Variants in KIRREL3 observed in about 807,000 individuals in gnomAD.
KIRREL3 encodes kirre like nephrin family adhesion molecule 3, also known as kin of IRRE-like protein 3.
KIRREL3 carries 36 observed loss-of-function variants against 89.7 expected under a neutral mutation model. That is an observed-to-expected ratio of 0.40 (90% CI 0.31 to 0.53). The LOEUF (loss-of-function observed/expected upper bound fraction) is 0.53. Among genes scored for constraint, KIRREL3 ranks in the 20% least tolerant of loss-of-function variants. The pLI, the probability that KIRREL3 is intolerant of heterozygous loss-of-function variation, is 0.49. For missense variants in KIRREL3, 864 were observed against 1,056.6 expected, an observed-to-expected ratio of 0.82 and a Z score of 2.53; for synonymous variants, 445 against 441.4, an observed-to-expected ratio of 1.01 and a Z score of -0.10.
At chr11:126,529,631 G>A (rs1421243277) in intron 2 of KIRREL3, among the ~76,000 whole-genome samples, 2 of 79,716 alleles carry the variant, frequency 2.5e-5, no homozygotes, top group African/African-American at 1.1e-4. Flanking sequence ...CCTTCCTAGA[G>A]CCTCTCGCAT....
Position 126,905,865 on chromosome 11 carries a change from G to T in KIRREL3, c.55+94590C>A, listed in dbSNP as rs532675766. 6.6e-6 allele frequency among the ~76,000 whole-genome samples: 1 copy of T among 152,138 alleles called. No individual in the cohort carries two copies. Among genetic ancestry groups the T allele is most frequent in the East Asian group, 1.9e-4 (1 of 5,188 alleles). On this transcript the variant is annotated intron_variant, in intron 1 of 16. Transcript: ENST00000525144. The surrounding 1 kb of genome is among the most constrained non-coding windows in gnomAD (Gnocchi z 5.0). ...AAGCACTTCAGGGGTTCCTTTGTCC[G>T]CACCCAGCCATGCAAAATTCCTGGT...
chr11:126,922,129 A>G (rs188877489), intron 1 of KIRREL3, among the ~76,000 whole-genome samples: 4,494 of 96,026 alleles, frequency 0.047, 93 homozygotes, highest in East Asian at 0.1. Context: ...CTGTCTATCT[A>G]TCTATCTATC....
At position 126,686,380 on chromosome 11, in the gene KIRREL3, G is replaced by A. The variant is rs1430681812; in HGVS notation, c.56-123468C>T. Among the ~76,000 whole-genome samples, 1 of 152,076 alleles carries A rather than the reference G, an allele frequency of 6.6e-6. No homozygotes were observed. The highest frequency in any genetic ancestry group is 2.4e-5 in the African/African-American group (1 of 41,400). On this transcript the variant is annotated intron_variant, in intron 1 of 16. Coordinates refer to ENST00000525144, the MANE Select transcript of KIRREL3 (RefSeq NM_032531.4). The surrounding 1 kb of genome is among the most constrained non-coding windows in gnomAD (Gnocchi z 4.7). ...TGGACCATTCTAGGAACTGTGCTTG[G>A]TGATGAGCTGCAGAGACAGAAGACA...
intron 1 of KIRREL3, among the ~76,000 whole-genome samples, chr11:126,957,514 C>G (rs866161784): frequency 3.3e-5 from 5 of 152,188 alleles, no homozygotes; most frequent in African/African-American, 1.2e-4. Flanking sequence ...TCCATCCTAC[C>G]TGATATTCAG....
chr11:126,971,943 T>C (rs1949434281), intron 1 of KIRREL3, among the ~76,000 whole-genome samples: 1 of 152,106 alleles, frequency 6.6e-6, no homozygotes, highest in African/African-American at 2.4e-5. Context: ...GATAGACAGA[T>C]TAGTGTTTGT....
intron 1 of KIRREL3, among the ~76,000 whole-genome samples, chr11:126,591,786 C>T (rs986458613): frequency 6.6e-6 from 1 of 152,196 alleles, no homozygotes; most frequent in African/African-American, 2.4e-5. Context: ...TGTTGTCATA[C>T]GTATGACCAT....
At chr11:126,956,761 C>T (rs1006365613) in intron 1 of KIRREL3, among the ~76,000 whole-genome samples, 5 of 152,166 alleles carry the variant, frequency 3.3e-5, no homozygotes, top group Admixed American at 6.5e-5. Context: ...TGGAAATATC[C>T]GAGTGCTTCA....
intron 2 of KIRREL3, among the ~76,000 whole-genome samples, chr11:126,554,942 A>G (rs1176182155): frequency 6.6e-6 from 1 of 152,166 alleles, no homozygotes; most frequent in African/African-American, 2.4e-5. Context: ...CTATGGATAG[A>G]CGAGGCTAAC....
At position 126,976,709 on chromosome 11, in the gene KIRREL3, T is replaced by C. The variant is rs1455956724; in HGVS notation, c.55+23746A>G. Among the ~76,000 whole-genome samples the C allele has an allele frequency of 2.0e-5, 3 of 152,232 alleles. No homozygotes were observed. The highest frequency in any genetic ancestry group is 2.9e-5 in the Non-Finnish European group (2 of 68,050). The stretch of plus-strand genomic sequence containing the variant: ...GAATTTTTCTATGTGTCAGATAATA[T>C]GCTGTACTTGCAGCGTATCATTTAA... On this transcript the variant is annotated intron_variant, in intron 1 of 16. Transcript: ENST00000525144. This position sits in a 1 kb window ranked among gnomAD's most constrained non-coding sequence, Gnocchi z 4.2.
Position 126,568,824 on chromosome 11 carries a change from AC to A in KIRREL3, c.56-5913del, listed in dbSNP as rs1430323103. 6.6e-6 allele frequency among the ~76,000 whole-genome samples: 1 copy of A among 151,780 alleles called. No individual in the cohort carries two copies. Among genetic ancestry groups the A allele is most frequent in the African/African-American group, 2.4e-5 (1 of 41,294 alleles). On this transcript the variant is annotated intron_variant, in intron 1 of 16. Transcript: ENST00000525144. This position sits in a 1 kb window ranked among gnomAD's most constrained non-coding sequence, Gnocchi z 4.6. Reference sequence around the variant, plus strand: ...AAATAGAAACAAAATACCAAATTCTACCCCCCTCGTTTTTTTCTTTTTCAGA... The same window carrying A: ...AAATAGAAACAAAATACCAAATTCTACCCCCTCGTTTTTTTCTTTTTCAGA...
chr11:126,777,675 T>C (rs992820341), intron 1 of KIRREL3, among the ~76,000 whole-genome samples: 3 of 152,242 alleles, frequency 2.0e-5, no homozygotes, highest in Non-Finnish European at 4.4e-5. Flanking sequence ...TCAGACCCCT[T>C]TGTGAACACA....
rs1948237920 is a variant in KIRREL3, at chr11:126,723,012, T to C, written c.56-160100A>G. Among the ~76,000 whole-genome samples, 1 of 152,224 alleles carries C rather than the reference T, an allele frequency of 6.6e-6. No homozygotes were observed. Among genetic ancestry groups the C allele is most frequent in the African/African-American group, 2.4e-5 (1 of 41,464 alleles). ...CTATCCTTTGTCTCCCACGGTGGAA[T>C]TGGCCTTTCTTCATCTATTCCTCTT... is the stretch of plus-strand genomic sequence containing the variant. On this transcript the variant is annotated intron_variant, in intron 1 of 16. Coordinates refer to ENST00000525144, the MANE Select transcript of KIRREL3 (RefSeq NM_032531.4). This position sits in a 1 kb window ranked among gnomAD's most constrained non-coding sequence, Gnocchi z 4.0.
In KIRREL3 at chr11:126,904,827, G is replaced by A. The variant is rs1946510737; in HGVS notation, c.55+95628C>T. Among the ~76,000 whole-genome samples, 1 of 152,160 alleles carries A rather than the reference G, an allele frequency of 6.6e-6. No homozygotes were observed. Among genetic ancestry groups the A allele is most frequent in the African/African-American group, 2.4e-5 (1 of 41,422 alleles). On this transcript the variant is annotated intron_variant, in intron 1 of 16. Transcript: ENST00000525144. The surrounding 1 kb of genome is among the most constrained non-coding windows in gnomAD (Gnocchi z 4.4). The stretch of plus-strand genomic sequence containing the variant: ...CTGTAAGCATCAATGCTATTCCTCA[G>A]AGACATTAAGATCCCAGAGAAGAGA...
intron 1 of KIRREL3, among the ~76,000 whole-genome samples, chr11:126,911,982 CAAAAA>C (rs34548052): frequency 6.5e-5 from 6 of 91,732 alleles, no homozygotes; most frequent in African/African-American, 9.4e-5. Flanking sequence ...GACTCTGTCT[CAAAAA>C]AAAAAAAAAA....
chr11:126,456,088 G>A (rs1276885936), intron 7 of KIRREL3, among the ~76,000 whole-genome samples: 1 of 125,866 alleles, frequency 7.9e-6, no homozygotes, highest in Non-Finnish European at 1.6e-5. Context: ...TTGGAGTGTG[G>A]AATAATCAGG....
rs1958377928 is a variant in KIRREL3 at position 126,515,385 on chromosome 11, G to A, written c.433+5930C>T. Among the ~76,000 whole-genome samples the A allele has an allele frequency of 6.6e-6, 1 of 152,196 alleles. No individual in the cohort carries two copies. The highest frequency in any genetic ancestry group is 1.5e-5 in the Non-Finnish European group (1 of 68,040). Reference sequence around the variant, plus strand: ...GGATCGCTTGAGCCAGGGAGGTCGAGGCTGCAGTGAGCCATAATAGTGCCA... The same window carrying A: ...GGATCGCTTGAGCCAGGGAGGTCGAAGCTGCAGTGAGCCATAATAGTGCCA... On this transcript the variant is annotated intron_variant, in intron 4 of 16. Transcript: ENST00000525144. This position sits in a 1 kb window ranked among gnomAD's most constrained non-coding sequence, Gnocchi z 4.2.
intron 1 of KIRREL3, among the ~76,000 whole-genome samples, chr11:126,864,628 T>A (rs1376045328): frequency 1.3e-5 from 2 of 152,240 alleles, no homozygotes; most frequent in African/African-American, 4.8e-5. Flanking sequence ...CTTGATCTTT[T>A]TCCATAAGAA....
intron 1 of KIRREL3, among the ~76,000 whole-genome samples, chr11:126,573,801 T>C (rs1177997745): frequency 6.6e-6 from 1 of 152,070 alleles, no homozygotes; most frequent in Non-Finnish European, 1.5e-5. Flanking sequence ...TCTCTCCCAC[T>C]TCAGGTCAAG....
chr11:126,715,216 GA>G lies in KIRREL3; in HGVS notation c.56-152305del, dbSNP rs1439652724. Among the ~76,000 whole-genome samples, 1 of 152,176 alleles carries G rather than the reference GA, an allele frequency of 6.6e-6. No homozygotes were observed. The highest frequency in any genetic ancestry group is 1.5e-5 in the Non-Finnish European group (1 of 68,028). ...CTGTGTAGAGGAAGAAATCAGTTGA[GA>G]AAAACAGTCTTGAGCTACTCAGGCT... On this transcript the variant is annotated intron_variant, in intron 1 of 16. Transcript: ENST00000525144. The surrounding 1 kb of genome is among the most constrained non-coding windows in gnomAD (Gnocchi z 4.4).
Sources: allele counts gnomAD v4.1 joint callset (sites outside exome capture counted in the v4.1 genomes callset), GRCh38; gene constraint gnomAD v4.1.1; non-coding constraint Gnocchi (gnomAD v3.1); transcripts MANE v1.5; gene names NCBI Gene and HGNC (gene_info 2026-07-23, HGNC 2026-07-21).